TAB3: variants seen among roughly 807,000 people sequenced by gnomAD.
TAB3 encodes the protein TGF-beta-activated kinase 1 and MAP3K7-binding protein 3.
Under a neutral mutation model 48.1 loss-of-function variants are expected in TAB3, and 18 were observed. The ratio of observed to expected loss-of-function variants is 0.37; its 90% confidence interval spans 0.26 to 0.55. The LOEUF (loss-of-function observed/expected upper bound fraction) is 0.55, where lower values mean the gene tolerates loss of function less well. TAB3 is among the 20% of genes least tolerant of loss of function. The probability of loss-of-function intolerance (pLI) is 0.78; values close to 1 mark genes in which losing one functional copy is unlikely to be tolerated. For synonymous variants in TAB3, 185 were observed against 190.2 expected, an observed-to-expected ratio of 0.97 and a Z score of 0.22; for missense variants, 414 against 549.8, an observed-to-expected ratio of 0.75 and a Z score of 2.47.
At chrX:30,839,048 T>A (rs1205453842) in intron 9 of TAB3, among the ~76,000 whole-genome samples, 3 of 110,324 alleles carry the variant, frequency 2.7e-5, no homozygotes, top group Admixed American at 9.7e-5. Flanking sequence ...TGAATAAAGG[T>A]GGTGAGAATA....
chrX:30,875,380 T>C (rs1482741314), intron 1 of TAB3, among the ~76,000 whole-genome samples: 1 of 111,667 alleles, frequency 9.0e-6, no homozygotes, highest in Non-Finnish European at 1.9e-5. Context: ...TTAATTTACA[T>C]AGAAGGAAAA....
chrX:30,840,459 G>A lies in TAB3; in HGVS notation c.1888+2507C>T, dbSNP rs187692929. On this transcript the variant is annotated intron_variant, in intron 9 of 10. Coordinates refer to ENST00000288422, the MANE Select transcript of TAB3 (RefSeq NM_152787.5). ...AAAACCTTGAAATTTCCTGAGTAAC[G>A]GCAGTGTCTTTGTTATTTATGGTGG... Among the ~76,000 whole-genome samples the A allele has an allele frequency of 3.6e-3, 406 of 111,444 alleles. 1 individual carries two copies. The highest frequency in any genetic ancestry group is 5.8e-3 in the Non-Finnish European group (309 of 53,104).
chrX:30,861,266 C>T (rs1489404471), intron 4 of TAB3, among the ~76,000 whole-genome samples: 5 of 111,424 alleles, frequency 4.5e-5, no homozygotes, highest in African/African-American at 9.8e-5. Flanking sequence ...TATACTAAAC[C>T]AGTCTACCTA....
chrX:30,868,766 T>C lies in TAB3; in HGVS notation c.-279-1217A>G, dbSNP rs1235182991. Among the ~76,000 whole-genome samples the C allele has an allele frequency of 2.0e-4, 21 of 105,234 alleles. No homozygotes were observed. In the Admixed American group the frequency reaches 2.2e-3, roughly 11 times the overall value. The allele number at this position is 105,234 out of a possible 115,157, so 91.4% of individuals were successfully genotyped here. On this transcript the variant is annotated intron_variant, in intron 2 of 10. Transcript: ENST00000288422. ...GTTAATATTATCATTTTAGGGCATATATTGGCTTTTATCAGAGCTATCATA... is the reference window on the plus strand; with the variant it reads ...GTTAATATTATCATTTTAGGGCATACATTGGCTTTTATCAGAGCTATCATA...
chrX:30,851,435 C>T (rs979896700), intron 7 of TAB3, among the ~76,000 whole-genome samples: 14 of 111,849 alleles, frequency 1.3e-4, no homozygotes, highest in Non-Finnish European at 1.9e-4. Context: ...CCTTCATTAC[C>T]TTATTGTTCT....
chrX:30,838,893 ATAGT>A (rs746064328), intron 9 of TAB3, among the ~76,000 whole-genome samples: 15 of 111,634 alleles, frequency 1.3e-4, no homozygotes, highest in South Asian at 7.4e-4. Context: ...ATTAGTTCTA[ATAGT>A]TAGTTGTTTT....
chrX:30,863,454 G>A (rs1022582700), intron 4 of TAB3, among the ~76,000 whole-genome samples: 8 of 112,227 alleles, frequency 7.1e-5, no homozygotes, highest in African/African-American at 2.6e-4. Flanking sequence ...GATTCCCAAT[G>A]TTGGAGTTGG....
intron 9 of TAB3, among the ~76,000 whole-genome samples, chrX:30,837,327 A>G (rs1401864552): frequency 9.0e-6 from 1 of 111,035 alleles, no homozygotes; most frequent in East Asian, 2.8e-4. Context: ...TGCTGAGATT[A>G]TAAGCATGAG....
intron 10 of TAB3, among the ~76,000 whole-genome samples, chrX:30,833,216 G>T (rs998347709): frequency 9.1e-6 from 1 of 109,538 alleles, no homozygotes; most frequent in African/African-American, 3.3e-5. Context: ...TGATCCGCCT[G>T]CCTCGGCCTC....
Position 30,876,395 on chromosome X carries a change from G to A in TAB3, c.-382-4594C>T, listed in dbSNP as rs574705967. Among the ~76,000 whole-genome samples the A allele has an allele frequency of 3.6e-5, 4 of 112,631 alleles. No homozygotes were observed. The East Asian group carries it at 8.3e-4, about 23-fold the overall frequency. ...CAGAAGAGACTCAGAAGGACTCCAA[G>A]TATTGGAATTATCAGACATGGATTT... On this transcript the variant is annotated intron_variant, in intron 1 of 10. Coordinates refer to ENST00000288422, the MANE Select transcript of TAB3 (RefSeq NM_152787.5).
intron 4 of TAB3, among the ~76,000 whole-genome samples, chrX:30,866,191 C>T (rs960169535): frequency 1.8e-5 from 2 of 111,299 alleles, no homozygotes; most frequent in Admixed American, 9.6e-5. Flanking sequence ...CCTCCAGAAA[C>T]GATAGATTCA....
Position 30,855,412 on chromosome X carries a change from G to A in TAB3, c.253C>T (p.His85Tyr). ...TTAAGTTGGGCTCCATCTCCTGGGT[G>A]ATAGCTACTAGGAGAATGGATACCC... ...NLGIHSPSSY[H>Y]PGDGAQLNGG... is the part of the protein sequence containing the mutation. The change falls in exon 6 of 11, where the codon CAC (histidine) becomes TAC (tyrosine). Residue 85 changes from histidine (H) to tyrosine (Y), a missense_variant. Coordinates refer to ENST00000288422, the MANE Select transcript of TAB3 (RefSeq NM_152787.5). The A allele has an allele frequency of 8.3e-7, 1 of 1,211,357 alleles. No homozygotes were observed. Among genetic ancestry groups the A allele is most frequent in the Non-Finnish European group, 1.1e-6 (1 of 895,250 alleles).
rs1171595962 is a variant in TAB3 at position 30,868,461 on chromosome X, ATATAGCT to A, written c.-279-919_-279-913del. 8.6e-4 allele frequency among the ~76,000 whole-genome samples: 40 copies of A among 46,623 alleles called. 2 individuals are homozygous for A. Among genetic ancestry groups the A allele is most frequent in the African/African-American group, 4.4e-3 (39 of 8,899 alleles). The allele number at this position is 46,623 out of a possible 115,157, so 40.5% of individuals were successfully genotyped here. A position where few individuals can be genotyped will look rare whatever the true frequency, so the allele number is the denominator to read the frequency against. ...GCTTATATATATAGCTTATATATATATATAGCTTATATATATAGCTTATATATATATA... is the reference window on the plus strand; with the variant it reads ...GCTTATATATATAGCTTATATATATATATATATATAGCTTATATATATATA... On this transcript the variant is annotated intron_variant, in intron 2 of 10. Coordinates refer to ENST00000288422, the MANE Select transcript of TAB3 (RefSeq NM_152787.5).
At chrX:30,878,516 A>AAAAAAAAAAG (rs57251085) in intron 1 of TAB3, among the ~76,000 whole-genome samples, 5 of 79,603 alleles carry the variant, frequency 6.3e-5, no homozygotes, top group African/African-American at 1.5e-4. Flanking sequence ...AAAAAAAAAA[A>AAAAAAAAAAG]AAAGAAAGAA....
chrX:30,856,399 G>T (rs1308901886), intron 5 of TAB3, among the ~76,000 whole-genome samples: 8 of 112,061 alleles, frequency 7.1e-5, no homozygotes, highest in Non-Finnish European at 1.3e-4. Context: ...ATAGCAAACT[G>T]ACACTTTTGA....
At position 30,855,531 on chromosome X, in the gene TAB3, G is replaced by T; in HGVS notation, c.134C>A (p.Ala45Asp). 1 of 1,199,617 alleles carries T rather than the reference G, an allele frequency of 8.3e-7. No homozygotes were observed. Among genetic ancestry groups the T allele is most frequent in the Non-Finnish European group, 1.1e-6 (1 of 888,807 alleles). Reference sequence around the variant, plus strand: ...GTATTTGCTACTCTCCTGGGAAAGGGCTCGGCAACAGGCTTCAAGATTGTT... The same window carrying T: ...GTATTTGCTACTCTCCTGGGAAAGGTCTCGGCAACAGGCTTCAAGATTGTT... The part of the protein sequence containing the change: ...NNNNLEACCR[A>D]LSQESSKYLY... The change falls in exon 6 of 11, where the codon GCC (alanine) becomes GAC (aspartate). Residue 45 changes from alanine to aspartate, a missense_variant. Physicochemically the swap from Ala to Asp is moderately radical, Grantham distance 126. Transcript: ENST00000288422.
Position 30,855,597 on chromosome X carries a change from A to G in TAB3, c.103-35T>C, listed in dbSNP as rs773817632. ...AAAAATGGTAAAAGTAACATTGGCAACATTAACAAATTCTAATAGTGGAAG... is the reference window on the plus strand; with the variant it reads ...AAAAATGGTAAAAGTAACATTGGCAGCATTAACAAATTCTAATAGTGGAAG... On this transcript the variant is annotated intron_variant, in intron 5 of 10. Transcript: ENST00000288422. 9 of 1,138,617 alleles carry G rather than the reference A, an allele frequency of 7.9e-6. No homozygotes were observed. The East Asian group carries it at 2.4e-4, about 30-fold the overall frequency. The allele number at this position is 1,138,617 out of a possible 1,213,427, so 93.8% of individuals were successfully genotyped here.
intron 2 of TAB3, among the ~76,000 whole-genome samples, chrX:30,868,097 A>G (rs1939464803): frequency 9.7e-6 from 1 of 102,844 alleles, no homozygotes; most frequent in African/African-American, 3.5e-5. Flanking sequence ...GGGTTTCACC[A>G]TATTGCCCAA....
At chrX:30,862,801 T>C (rs755122305) in intron 4 of TAB3, among the ~76,000 whole-genome samples, 2 of 111,960 alleles carry the variant, frequency 1.8e-5, no homozygotes, top group South Asian at 7.5e-4. Flanking sequence ...GTGTCACTAG[T>C]AGGTATCAGA....
Sources: gnomAD v4.1 joint callset for allele counts (sites outside exome capture counted in the v4.1 genomes callset) on GRCh38, gnomAD v4.1.1 for gene constraint, MANE v1.5 for transcripts, NCBI Gene and HGNC (gene_info 2026-07-23, HGNC 2026-07-21) for gene names.